ATCAY: variants seen among roughly 807,000 people sequenced by gnomAD.
ATCAY encodes caytaxin.
ATCAY carries 22 observed loss-of-function variants against 47.7 expected under a neutral mutation model. The observed-to-expected ratio is 0.46, with a 90% confidence interval of 0.33 to 0.66. The LOEUF (loss-of-function observed/expected upper bound fraction) is 0.66, where lower values mean the gene tolerates loss of function less well. Ranked by LOEUF, ATCAY falls within the 30% of genes least tolerant of loss-of-function variation. The pLI, the probability that ATCAY is intolerant of heterozygous loss-of-function variation, is 0.02. For synonymous variants in ATCAY, 216 were observed against 207.6 expected (o/e 1.04, Z -0.35); for missense variants, 452 against 515.0 (o/e 0.88, Z 1.18).
At chr19:3,915,331 C>A (rs1004393827) in intron 9 of ATCAY, among the ~76,000 whole-genome samples, 1 of 120,342 alleles carries the variant, frequency 8.3e-6, no homozygotes, top group African/African-American at 3.0e-5. Flanking sequence ...AGCCGCCATG[C>A]CTGGCTAATT....
At chr19:3,906,186 GA>G (rs1332213257) in intron 4 of ATCAY, among the ~76,000 whole-genome samples, 1 of 144,208 alleles carries the variant, frequency 6.9e-6, no homozygotes, top group Non-Finnish European at 1.5e-5. Context: ...AAAAAAAAAA[GA>G]GAGAGAGAGG....
chr19:3,917,086 C>A (rs923593780), intron 9 of ATCAY, among the ~76,000 whole-genome samples: 1 of 152,032 alleles, frequency 6.6e-6, no homozygotes, highest in African/African-American at 2.4e-5. Flanking sequence ...GGATTATAGG[C>A]GTGAGCCACC....
rs754083238 is a variant in ATCAY at position 3,924,852 on chromosome 19, C to T, written c.*260C>T. The T allele has an allele frequency of 6.7e-5, 32 of 476,276 alleles. No individual in the cohort carries two copies. The highest frequency in any genetic ancestry group is 1.1e-4 in the South Asian group (4 of 35,400). The allele number at this position is 476,276 out of a possible 1,614,324, so 29.5% of individuals were successfully genotyped here. ...TGAGCCCCTCACCCTTCCACACTCACGAACTCTCAGCCGAGGAAGGCAAGA... is the reference window on the plus strand; with the variant it reads ...TGAGCCCCTCACCCTTCCACACTCATGAACTCTCAGCCGAGGAAGGCAAGA... On this transcript the variant is annotated 3_prime_UTR_variant, in exon 13 of 13. Coordinates refer to ENST00000450849, the MANE Select transcript of ATCAY (RefSeq NM_033064.5).
chr19:3,917,946 A>G (rs2038980338), intron 10 of ATCAY, among the ~76,000 whole-genome samples, 169 bp downstream of exon 10: 1 of 152,192 alleles, frequency 6.6e-6, no homozygotes, highest in Non-Finnish European at 1.5e-5. Context: ...CTGGGTTCAA[A>G]TACTGGCTCC....
chr19:3,914,326 A>G (rs2038948652), intron 9 of ATCAY, among the ~76,000 whole-genome samples: 1 of 151,664 alleles, frequency 6.6e-6, no homozygotes. Context: ...CACGTCTCCC[A>G]TGGCGGCAGA....
rs768878565 is a variant in ATCAY at position 3,920,865 on chromosome 19, G to C, written c.1106+67G>C. ...GTCCTTCATGGACCTGTATTAGTCA[G>C]GGTTCTCTAGAAGGACAGAAAATCA... On this transcript the variant is annotated intron_variant, in intron 12 of 12. Transcript: ENST00000450849. The C allele has an allele frequency of 1.6e-5, 25 of 1,574,814 alleles. No homozygotes were observed. The African/African-American group carries it at 3.2e-4, about 20-fold the overall frequency.
intron 2 of ATCAY, among the ~76,000 whole-genome samples, chr19:3,898,005 G>A (rs1340772047): frequency 2.6e-5 from 4 of 151,984 alleles, no homozygotes; most frequent in Admixed American, 6.6e-5. Context: ...TGATTCAGTG[G>A]CAGAGTCCAT....
intron 9 of ATCAY, 90 bp from the exon 10 acceptor site, chr19:3,917,652 T>C: frequency 7.1e-7 from 1 of 1,416,176 alleles, no homozygotes; most frequent in Non-Finnish European, 9.8e-7. Flanking sequence ...AGAGAGCTTG[T>C]TTCTCTGCTT....
chr19:3,910,689 G>A lies in ATCAY; in HGVS notation c.780-114G>A, dbSNP rs1555768832. 23 of 1,037,818 alleles carry A rather than the reference G, an allele frequency of 2.2e-5. 1 individual carries two copies. Among genetic ancestry groups the A allele is most frequent in the South Asian group, 1.6e-4 (12 of 72,974 alleles). 64.3% of individuals were successfully genotyped at this position (1,037,818 alleles called of 1,614,324 possible). Reference sequence around the variant, plus strand: ...TTTGACAGGTACCTGGAGACCACACGTGGAATGAGCAGAGTGACGAATGCT... The same window carrying A: ...TTTGACAGGTACCTGGAGACCACACATGGAATGAGCAGAGTGACGAATGCT... On this transcript the variant is annotated intron_variant, in intron 7 of 12. Coordinates refer to ENST00000450849, the MANE Select transcript of ATCAY (RefSeq NM_033064.5).
At chr19:3,892,265 C>T (rs1376168102) in intron 2 of ATCAY, among the ~76,000 whole-genome samples, 3 of 151,072 alleles carry the variant, frequency 2.0e-5, no homozygotes, top group Non-Finnish European at 4.4e-5. Context: ...TGCAGTGGTG[C>T]GATCATAGCT....
rs2038870423 is a variant in ATCAY at position 3,907,351 on chromosome 19, G to C, written c.359-383G>C. 6.6e-6 allele frequency among the ~76,000 whole-genome samples: 1 copy of C among 152,144 alleles called. No individual in the cohort carries two copies. Among genetic ancestry groups the C allele is most frequent in the South Asian group, 2.1e-4 (1 of 4,832 alleles). ...CCCAGGTATCTGGGAGGCTGAGGCA[G>C]GAGGACTGCTCTCTGTGTGCCAGGC... On this transcript the variant is annotated intron_variant, in intron 4 of 12. Coordinates refer to ENST00000450849, the MANE Select transcript of ATCAY (RefSeq NM_033064.5). The surrounding 1 kb of genome is among the most constrained non-coding windows in gnomAD (Gnocchi z 5.1).
At chr19:3,886,126 A>AC (rs1242274558) in intron 2 of ATCAY, among the ~76,000 whole-genome samples, 3 of 150,626 alleles carry the variant, frequency 2.0e-5, no homozygotes, top group South Asian at 2.1e-4. Flanking sequence ...GCTCCAAAGG[A>AC]CCCCCCACCC....
At chr19:3,894,357 G>A (rs1160147794) in intron 2 of ATCAY, among the ~76,000 whole-genome samples, 1 of 151,678 alleles carries the variant, frequency 6.6e-6, no homozygotes, top group African/African-American at 2.4e-5. Flanking sequence ...GGTGGCAGGC[G>A]CCTGTAGTCC....
At chr19:3,905,410 T>C in intron 3 of ATCAY, 24 bp from the exon 4 acceptor site, 1 of 1,559,268 alleles carries the variant, frequency 6.4e-7, no homozygotes, top group African/African-American at 1.4e-5. Flanking sequence ...AAAGATGTTT[T>C]CCATTTTTCT....
At chr19:3,892,489 C>A (rs1417547316) in intron 2 of ATCAY, among the ~76,000 whole-genome samples, 1 of 152,200 alleles carries the variant, frequency 6.6e-6, no homozygotes, top group Admixed American at 6.6e-5. Context: ...GCATGAGCCA[C>A]TGCGCCTGGC....
chr19:3,887,064 G>C lies in ATCAY; in HGVS notation c.77+1220G>C, dbSNP rs1345551645. Among the ~76,000 whole-genome samples the C allele has an allele frequency of 3.9e-4, 59 of 152,172 alleles. 1 individual carries two copies. ...GAGCGCCACAAGAGCAGGGGTCTTT[G>C]TTTAGCTCACTGCTGTATCCCAACC... On this transcript the variant is annotated intron_variant, in intron 2 of 12. Transcript: ENST00000450849.
intron 2 of ATCAY, among the ~76,000 whole-genome samples, chr19:3,890,470 C>A (rs569774802): frequency 6.6e-6 from 1 of 151,920 alleles, no homozygotes; most frequent in South Asian, 2.1e-4. Flanking sequence ...ACCATGTTGG[C>A]CAGGCTGGTC....
intron 1 of ATCAY, among the ~76,000 whole-genome samples, chr19:3,882,158 G>A (rs575539153): frequency 1.7e-3 from 260 of 152,218 alleles, no homozygotes; most frequent in African/African-American, 5.7e-3. Flanking sequence ...GAGGCAGCCT[G>A]GATGCCATGA....
intron 2 of ATCAY, among the ~76,000 whole-genome samples, chr19:3,892,929 A>G (rs549033939): frequency 8.2e-4 from 125 of 151,994 alleles, no homozygotes; most frequent in Non-Finnish European, 1.5e-3. Context: ...ATTTACCCTC[A>G]ATTGTACCGA....
Sources: allele counts gnomAD v4.1 joint callset (sites outside exome capture counted in the v4.1 genomes callset), GRCh38; gene constraint gnomAD v4.1.1; non-coding constraint Gnocchi (gnomAD v3.1); transcripts MANE v1.5; gene names NCBI Gene and HGNC (gene_info 2026-07-23, HGNC 2026-07-21).